Variants in TUSC3 observed in about 807,000 individuals in gnomAD.
The protein encoded by TUSC3 is dolichyl-diphosphooligosaccharide--protein glycosyltransferase subunit TUSC3.
A neutral mutation model predicts 44.8 loss-of-function variants in TUSC3; 45 were observed. That is an observed-to-expected ratio of 1.00 (90% confidence interval 0.79 to 1.29). The LOEUF is 1.29. TUSC3 is among the 50% of genes most tolerant of loss of function. The probability of loss-of-function intolerance (pLI) is 0.00; values close to 1 mark genes in which losing one functional copy is unlikely to be tolerated. For missense variants in TUSC3, 519 were observed against 437.9 expected (o/e 1.19, Z -1.65); for synonymous variants, 212 against 152.9 (o/e 1.39, Z -2.85).
At chr8:15,596,587 A>T (rs1804077590) in intron 1 of TUSC3, among the ~76,000 whole-genome samples, 1 of 152,178 alleles carries the variant, frequency 6.6e-6, no homozygotes, top group Non-Finnish European at 1.5e-5. Context: ...ACTGTGGGGC[A>T]CACTGTAAGT....
intron 1 of TUSC3, among the ~76,000 whole-genome samples, chr8:15,447,959 A>G (rs1014454667): frequency 1.3e-5 from 2 of 151,362 alleles, no homozygotes; most frequent in Admixed American, 1.3e-4. Context: ...ATTACAGTTA[A>G]TTTAAATGAA....
intron 2 of TUSC3, among the ~76,000 whole-genome samples, chr8:15,624,527 T>C (rs982424979): frequency 6.6e-5 from 10 of 152,234 alleles, no homozygotes; most frequent in Non-Finnish European, 1.3e-4. Flanking sequence ...TAATACCTCA[T>C]TGTGATTTAA....
At chr8:15,733,042 C>G (rs555749750) in intron 7 of TUSC3, among the ~76,000 whole-genome samples, 1 of 152,104 alleles carries the variant, frequency 6.6e-6, no homozygotes, top group African/African-American at 2.4e-5. Flanking sequence ...ACTGGAAATA[C>G]AAATTTTGTT....
At chr8:15,514,158 C>A (rs10095592) in intron 2 of TUSC3, among the ~76,000 whole-genome samples, 6 of 152,006 alleles carry the variant, frequency 3.9e-5, no homozygotes, top group Non-Finnish European at 7.3e-5. Flanking sequence ...TCATTTACGC[C>A]GCATTATTTA....
intron 1 of TUSC3, among the ~76,000 whole-genome samples, chr8:15,578,167 A>C (rs1159026432): frequency 7.3e-6 from 1 of 136,284 alleles, no homozygotes; most frequent in Admixed American, 7.5e-5. Flanking sequence ...TTGATTTTGT[A>C]TCCTGAGACT....
intron 6 of TUSC3, among the ~76,000 whole-genome samples, chr8:15,714,076 A>C (rs1421782792): frequency 6.6e-6 from 1 of 152,156 alleles, no homozygotes; most frequent in African/African-American, 2.4e-5. Context: ...AATTAAGAAC[A>C]ACTTATAGTA....
intron 5 of TUSC3, among the ~76,000 whole-genome samples, chr8:15,667,138 C>CTTAT (rs1807697192): frequency 6.6e-6 from 1 of 151,522 alleles, no homozygotes; most frequent in Non-Finnish European, 1.5e-5. Flanking sequence ...CTCCTTAATC[C>CTTAT]AACTCAATAG....
At chr8:15,502,514 G>C (rs375150030) in intron 2 of TUSC3, among the ~76,000 whole-genome samples, 4 of 151,732 alleles carry the variant, frequency 2.6e-5, no homozygotes, top group African/African-American at 9.7e-5. Context: ...TGTTTGAGAC[G>C]GAGTCTCGCT....
chr8:15,535,308 C>A (rs1056105143), upstream of TUSC3, among the ~76,000 whole-genome samples: 2 of 152,158 alleles, frequency 1.3e-5, no homozygotes, highest in Non-Finnish European at 2.9e-5. Context: ...AAATCTCTTT[C>A]AAGAGTTTGG....
At chr8:15,849,437 C>T in the TUSC3 span, among the ~76,000 whole-genome samples, 8 of 152,004 alleles carry the variant, frequency 5.3e-5, no homozygotes, top group South Asian at 2.1e-4. Context: ...TTTCAAGCAA[C>T]GAAGTTTCCA....
chr8:15,519,456 C>G (rs1464584563), intron 2 of TUSC3, among the ~76,000 whole-genome samples: 1 of 152,104 alleles, frequency 6.6e-6, no homozygotes, highest in Non-Finnish European at 1.5e-5. Context: ...CAGCCACAGA[C>G]CAGTACCAGT....
At chr8:15,549,521 G>C (rs1466315297) in intron 1 of TUSC3, among the ~76,000 whole-genome samples, 3 of 151,476 alleles carry the variant, frequency 2.0e-5, no homozygotes, top group Non-Finnish European at 4.4e-5. Context: ...ATTGGTAGGT[G>C]TTTTCATTTT....
At chr8:15,681,951 T>C (rs1483694269) in intron 6 of TUSC3, among the ~76,000 whole-genome samples, 1 of 152,222 alleles carries the variant, frequency 6.6e-6, no homozygotes, top group Non-Finnish European at 1.5e-5. Context: ...AGTTGTTTAG[T>C]TACTATGTAA....
chr8:15,543,406 C>A (rs935813444), intron 1 of TUSC3, among the ~76,000 whole-genome samples: 4 of 152,040 alleles, frequency 2.6e-5, no homozygotes, highest in African/African-American at 9.7e-5. Context: ...AGTAATACCA[C>A]CATGGATGGA....
the TUSC3 span, among the ~76,000 whole-genome samples, chr8:15,832,866 T>A: frequency 1.1e-3 from 170 of 152,186 alleles, 1 homozygote; most frequent in Non-Finnish European, 1.3e-3. Context: ...CAGTATTAGA[T>A]AGATCATCAA....
At chr8:15,649,344 G>A (rs1806779632) in intron 2 of TUSC3, among the ~76,000 whole-genome samples, 1 of 152,006 alleles carries the variant, frequency 6.6e-6, no homozygotes, top group South Asian at 2.1e-4. Context: ...CAGCACTTTG[G>A]GAGGCCGAGG....
chr8:15,440,863 GC>G (rs1481148027), intron 1 of TUSC3, among the ~76,000 whole-genome samples: 1 of 152,152 alleles, frequency 6.6e-6, no homozygotes, highest in Non-Finnish European at 1.5e-5. Flanking sequence ...GCTAGCAACT[GC>G]CTCCCCAGAT....
At chr8:15,810,383 A>G in the TUSC3 span, among the ~76,000 whole-genome samples, 1 of 152,140 alleles carries the variant, frequency 6.6e-6, no homozygotes, top group Non-Finnish European at 1.5e-5. Context: ...TATGTCTATA[A>G]TCTCTGCACT....
chr8:15,499,302 G>A (rs1343524201), intron 2 of TUSC3, among the ~76,000 whole-genome samples: 1 of 151,968 alleles, frequency 6.6e-6, no homozygotes, highest in Non-Finnish European at 1.5e-5. Flanking sequence ...AACCATAAAA[G>A]GCACAGGTCA....
Sources: gnomAD v4.1 joint callset for allele counts (sites outside exome capture counted in the v4.1 genomes callset) on GRCh38, gnomAD v4.1.1 for gene constraint, MANE v1.5 for transcripts, NCBI Gene and HGNC (gene_info 2026-07-23, HGNC 2026-07-21) for gene names.